The following MCF2L variants were observed in gnomAD, a reference collection of about 807,000 sequenced individuals.
MCF2L encodes the protein guanine nucleotide exchange factor DBS.
MCF2L carries 97 observed loss-of-function variants against 153.4 expected under a neutral mutation model. The ratio of observed to expected loss-of-function variants is 0.63; its 90% CI spans 0.54 to 0.75. The LOEUF (loss-of-function observed/expected upper bound fraction) is 0.75, where lower values mean the gene tolerates loss of function less well. MCF2L is among the 30% of genes least tolerant of loss of function. MCF2L has a pLI of 0.00. For synonymous variants in MCF2L, 659 were observed against 632.2 expected (o/e 1.04, Z -0.64); for missense variants, 1,347 against 1,495.2 (o/e 0.90, Z 1.64).
intron 2 of MCF2L, among the ~76,000 whole-genome samples, chr13:112,934,940 C>G (rs7985183): frequency 0.18 from 27,973 of 152,212 alleles, 2,624 homozygotes; most frequent in South Asian, 0.23. Context: ...CGTTAGTGTT[C>G]ATGTTCCCCA....
chr13:113,020,068 G>A (rs2084780858), intron 2 of MCF2L, among the ~76,000 whole-genome samples: 1 of 152,350 alleles, frequency 6.6e-6, no homozygotes, highest in East Asian at 1.9e-4. Context: ...AGTTCCGTGT[G>A]GCTAAGTAGT....
chr13:113,000,224 C>T (rs950992725), intron 1 of MCF2L, among the ~76,000 whole-genome samples: 2 of 152,218 alleles, frequency 1.3e-5, no homozygotes, highest in African/African-American at 4.8e-5. Context: ...CCCAAACCTG[C>T]TGTGGCTCAG....
chr13:113,033,473 GTGAC>G lies in MCF2L; in HGVS notation c.278+8716_278+8719del, dbSNP rs767791279. Among the ~76,000 whole-genome samples the G allele has an allele frequency of 2.5e-4, 38 of 152,000 alleles. No individual in the cohort carries two copies. In the East Asian group the frequency reaches 5.6e-3, roughly 23 times the overall value. On this transcript the variant is annotated intron_variant, in intron 3 of 29. Transcript: ENST00000535094. ...GATGTGAGTGGCCCCCGTGGCGTGA[GTGAC>G]CCCGTGTGCTCACTTGGGCCTGTTC...
intron 2 of MCF2L, among the ~76,000 whole-genome samples, chr13:112,954,019 G>C (rs1056055615): frequency 6.6e-6 from 1 of 152,226 alleles, no homozygotes; most frequent in Non-Finnish European, 1.5e-5. Flanking sequence ...GGCTTGGCTT[G>C]TGCACCACTG....
intron 1 of MCF2L, among the ~76,000 whole-genome samples, chr13:112,980,371 G>A (rs1594458417): frequency 1.3e-5 from 2 of 152,238 alleles, no homozygotes; most frequent in Non-Finnish European, 2.9e-5. Flanking sequence ...CCTGTCTGGC[G>A]ACCTGGAACC....
Position 113,012,213 on chromosome 13 carries a change from C to T in MCF2L, c.80-2550C>T, listed in dbSNP as rs557823081. Among the ~76,000 whole-genome samples the T allele has an allele frequency of 7.7e-3, 667 of 86,166 alleles. 43 individuals are homozygous for T. Among genetic ancestry groups the T allele is most frequent in the African/African-American group, 0.027 (635 of 23,398 alleles). 56.5% of individuals were successfully genotyped at this position (86,166 alleles called of 152,430 possible). A position where few individuals can be genotyped will look rare whatever the true frequency, so the allele number is the denominator to read the frequency against. On this transcript the variant is annotated intron_variant, in intron 1 of 29. Transcript: ENST00000535094. ...GTGGACAGGCGGTGTGGACGGTGGA[C>T]AGGCTGGGTGGATGGTGGACACTGC...
At chr13:112,976,341 G>A (rs1221320550) in intron 1 of MCF2L, among the ~76,000 whole-genome samples, 1 of 152,146 alleles carries the variant, frequency 6.6e-6, no homozygotes. Context: ...CTAGTATTAA[G>A]TTTCATTAAT....
At position 113,027,889 on chromosome 13, in the gene MCF2L, G is replaced by A. The variant is rs1463694863; in HGVS notation, c.278+3131G>A. ...GGCTCCAGGTGTGCTGTGGCCAGAG[G>A]GGTGTCCTGGGGAGGGCGGTCATCT... On this transcript the variant is annotated intron_variant, in intron 3 of 29. Transcript: ENST00000535094. The surrounding 1 kb of genome is among the most constrained non-coding windows in gnomAD (Gnocchi z 4.8). Among the ~76,000 whole-genome samples, 6 of 152,216 alleles carry A rather than the reference G, an allele frequency of 3.9e-5. No individual in the cohort carries two copies. The highest frequency in any genetic ancestry group is 3.9e-4 in the Admixed American group (6 of 15,288).
At chr13:113,017,828 T>G (rs2084630326) in intron 2 of MCF2L, among the ~76,000 whole-genome samples, 1 of 152,226 alleles carries the variant, frequency 6.6e-6, no homozygotes, top group South Asian at 2.1e-4. Context: ...TCCGTGGACT[T>G]TTGCTTAATT....
At chr13:112,952,461 G>A (rs1464404840) in intron 2 of MCF2L, among the ~76,000 whole-genome samples, 1 of 152,172 alleles carries the variant, frequency 6.6e-6, no homozygotes, top group Non-Finnish European at 1.5e-5. Flanking sequence ...GAGAGGTGAG[G>A]AGGAATCTCC....
At chr13:112,981,509 C>A (rs2082424534) in intron 1 of MCF2L, among the ~76,000 whole-genome samples, 1 of 152,216 alleles carries the variant, frequency 6.6e-6, no homozygotes, top group Non-Finnish European at 1.5e-5. Flanking sequence ...ACACCCCCAT[C>A]CTGTAAGGAA....
intron 2 of MCF2L, among the ~76,000 whole-genome samples, chr13:113,019,467 G>A (rs1400793115): frequency 6.6e-6 from 1 of 152,240 alleles, no homozygotes; most frequent in Non-Finnish European, 1.5e-5. Context: ...GCCCGTGGGG[G>A]TTTGCCCTTG....
chr13:112,975,407 A>G (rs2993274), intron 1 of MCF2L, among the ~76,000 whole-genome samples: 65,577 of 152,174 alleles, frequency 0.43, 14,871 homozygotes, highest in African/African-American at 0.57. Flanking sequence ...CAGCTCTGCC[A>G]TCTGTGGCTG....
chr13:113,070,217 G>A lies in MCF2L; in HGVS notation c.996+44G>A, dbSNP rs758763153. ...AGCCGGCAGCCGCCCTGATGCTCAC[G>A]GGGCCTCCTGTGCCTGCGCCCTGGT... On this transcript the variant is annotated intron_variant, in intron 9 of 29. Transcript: ENST00000535094. The surrounding 1 kb of genome is among the most constrained non-coding windows in gnomAD (Gnocchi z 5.6). The A allele has an allele frequency of 4.5e-6, 6 of 1,339,782 alleles. No homozygotes were observed. The highest frequency in any genetic ancestry group is 1.3e-5 in the South Asian group (1 of 74,794). 83.0% of individuals were successfully genotyped at this position (1,339,782 alleles called of 1,614,324 possible).
chr13:113,050,276 C>G (rs78175725), intron 4 of MCF2L, among the ~76,000 whole-genome samples: 13 of 149,274 alleles, frequency 8.7e-5, no homozygotes, highest in Admixed American at 3.3e-4. Flanking sequence ...GTGTGTGAGA[C>G]TGTGAGTGTG....
intron 3 of MCF2L, chr13:113,044,293 G>A (rs1444512724): frequency 2.2e-5 from 7 of 315,134 alleles, no homozygotes; most frequent in Admixed American, 8.2e-5. Flanking sequence ...ATGAACGTTC[G>A]GGGGTCACTG....
chr13:112,977,444 C>T (rs1053141885), intron 1 of MCF2L, among the ~76,000 whole-genome samples: 4 of 152,082 alleles, frequency 2.6e-5, no homozygotes, highest in South Asian at 2.1e-4. Flanking sequence ...TCACGATGGT[C>T]GCTGAAGCCA....
rs980627506 is a variant in MCF2L at position 113,099,128 on chromosome 13, C to G, written c.*2269C>G. 6.6e-6 allele frequency: 1 copy of G among 152,182 alleles called. No individual in the cohort carries two copies. Among genetic ancestry groups the G allele is most frequent in the Non-Finnish European group, 1.5e-5 (1 of 68,034 alleles). 9.4% of individuals were successfully genotyped at this position (152,182 alleles called of 1,614,324 possible). A position where few individuals can be genotyped will look rare whatever the true frequency, so the allele number is the denominator to read the frequency against. ...AAGCTGGTGTAGCAGTATCGATGAC[C>G]TGAAATGGGATTCAGGACAGTTCAT... On this transcript the variant is annotated 3_prime_UTR_variant, in exon 30 of 30. Transcript: ENST00000535094.
At chr13:113,052,518 T>C (rs1392253947) in intron 4 of MCF2L, 1 of 166,914 alleles carries the variant, frequency 6.0e-6, no homozygotes, top group Non-Finnish European at 1.5e-5. Flanking sequence ...TTAGAGCTCG[T>C]TGCACGGAGT....
Sources: allele counts gnomAD v4.1 joint callset (sites outside exome capture counted in the v4.1 genomes callset), GRCh38; gene constraint gnomAD v4.1.1; non-coding constraint Gnocchi (gnomAD v3.1); transcripts MANE v1.5; gene names NCBI Gene and HGNC (gene_info 2026-07-23, HGNC 2026-07-21).